The following PTPRN2 variants were observed in gnomAD, a reference collection of about 807,000 sequenced individuals.
PTPRN2 encodes protein tyrosine phosphatase receptor type N2, also known as receptor-type tyrosine-protein phosphatase N2.
In PTPRN2, 74 loss-of-function variants were observed where a neutral mutation model predicts 118.8. That is an observed-to-expected ratio of 0.62 (90% CI 0.52 to 0.76). PTPRN2 has a LOEUF of 0.76. Ranked by LOEUF, PTPRN2 falls within the 30% of genes least tolerant of loss-of-function variation. PTPRN2 has a pLI of 0.00. For missense variants in PTPRN2, 1,481 were observed against 1,394.4 expected, an observed-to-expected ratio of 1.06 and a Z score of -0.99; for synonymous variants, 641 against 608.0, an observed-to-expected ratio of 1.05 and a Z score of -0.80.
chr7:157,976,449 C>G (rs1802754161), intron 11 of PTPRN2, among the ~76,000 whole-genome samples: 1 of 152,040 alleles, frequency 6.6e-6, no homozygotes, highest in African/African-American at 2.4e-5. Flanking sequence ...GGGTTAAAAT[C>G]CAGATGCAAG....
At chr7:158,192,089 C>G (rs1214057065) in intron 5 of PTPRN2, among the ~76,000 whole-genome samples, 1 of 152,116 alleles carries the variant, frequency 6.6e-6, no homozygotes, top group Non-Finnish European at 1.5e-5. Flanking sequence ...CACCTTGTCC[C>G]AAGAAAGATC....
rs752269396 is a variant in PTPRN2, at chr7:158,489,723, C to G, written c.163+12G>C. ...GCAGACCAGGGCGCAGCAGCCAGGA[C>G]CCCACACTCACCGTTCACACAGGCC... On this transcript the variant is annotated intron_variant, in intron 2 of 22. Transcript: ENST00000389418. 6.3e-7 allele frequency: 1 copy of G among 1,574,962 alleles called. No homozygotes were observed. Among genetic ancestry groups the G allele is most frequent in the Admixed American group, 1.8e-5 (1 of 55,660 alleles).
At chr7:158,515,629 T>C (rs1296838037) in intron 1 of PTPRN2, among the ~76,000 whole-genome samples, 1 of 152,196 alleles carries the variant, frequency 6.6e-6, no homozygotes, top group Non-Finnish European at 1.5e-5. Context: ...CCTCATTCCA[T>C]GCTCGCCTTT....
intron 5 of PTPRN2, among the ~76,000 whole-genome samples, chr7:158,188,141 A>ACCACACTCGCCCCCTGATGGGGAAGGCCG (rs1563576082): frequency 8.0e-6 from 1 of 124,912 alleles, no homozygotes; most frequent in Non-Finnish European, 1.8e-5. Context: ...AGAGGCAGCC[A>ACCACACTCGCCCCCTGATGGGGAAGGCCG]CCACGCTCGC....
intron 8 of PTPRN2, 144 bp from the exon 9 acceptor site, chr7:158,134,203 TG>T: frequency 1.1e-6 from 1 of 911,644 alleles, no homozygotes; most frequent in South Asian, 1.7e-5. Flanking sequence ...GCGAAGTGTG[TG>T]CAGTCTATAT....
intron 14 of PTPRN2, among the ~76,000 whole-genome samples, chr7:157,631,764 G>A (rs1353589372): frequency 1.3e-5 from 2 of 151,840 alleles, no homozygotes; most frequent in African/African-American, 2.4e-5. Flanking sequence ...CCCGGGAGGC[G>A]GAGCTTGCAG....
rs1823693033 is a variant in PTPRN2 at position 158,517,982 on chromosome 7, C to A, written c.113-28197G>T. Among the ~76,000 whole-genome samples the A allele has an allele frequency of 1.3e-5, 2 of 152,252 alleles. No homozygotes were observed. The highest frequency in any genetic ancestry group is 2.9e-5 in the Non-Finnish European group (2 of 68,048). Reference sequence around the variant, plus strand: ...TCCAAGAGGGCTCCCTAATTCCTGACCGGGCGGGGCACCCCTGCAACATTC... The same window carrying A: ...TCCAAGAGGGCTCCCTAATTCCTGAACGGGCGGGGCACCCCTGCAACATTC... On this transcript the variant is annotated intron_variant, in intron 1 of 22. Transcript: ENST00000389418. The surrounding 1 kb of genome is among the most constrained non-coding windows in gnomAD (Gnocchi z 5.3).
chr7:157,939,419 C>T (rs1799913016), intron 11 of PTPRN2, among the ~76,000 whole-genome samples: 1 of 152,240 alleles, frequency 6.6e-6, no homozygotes, highest in Admixed American at 6.5e-5. Context: ...CTCTAGAGAC[C>T]AGGCCTCTGG....
intron 13 of PTPRN2, among the ~76,000 whole-genome samples, chr7:157,658,764 T>C (rs1456462102): frequency 2.6e-5 from 4 of 152,212 alleles, no homozygotes; most frequent in Non-Finnish European, 5.9e-5. Flanking sequence ...AGTGAAATGA[T>C]ACCCAGAAAA....
At chr7:158,337,312 A>T in intron 2 of PTPRN2, among the ~76,000 whole-genome samples, 1 of 145,994 alleles carries the variant, frequency 6.8e-6, no homozygotes, top group African/African-American at 2.5e-5. Context: ...ACGCACAGAC[A>T]TCATTCACAC....
At chr7:158,520,661 G>C (rs1008309003) in intron 1 of PTPRN2, among the ~76,000 whole-genome samples, 2 of 152,182 alleles carry the variant, frequency 1.3e-5, no homozygotes, top group African/African-American at 4.8e-5. Context: ...ATTTAAAGTA[G>C]CACTTACATG....
chr7:158,252,812 C>G (rs1231664993), intron 3 of PTPRN2, among the ~76,000 whole-genome samples: 2 of 152,182 alleles, frequency 1.3e-5, no homozygotes, highest in Admixed American at 6.6e-5. Flanking sequence ...CTCCCCAAAT[C>G]CAATCCTCCC....
At chr7:158,385,968 C>T (rs535423346) in intron 2 of PTPRN2, among the ~76,000 whole-genome samples, 1 of 147,196 alleles carries the variant, frequency 6.8e-6, no homozygotes, top group Admixed American at 6.7e-5. Flanking sequence ...TATTTCTGTG[C>T]CCCTCCTCCC....
chr7:157,993,248 C>T (rs984203400), intron 11 of PTPRN2, among the ~76,000 whole-genome samples: 18 of 152,082 alleles, frequency 1.2e-4, no homozygotes, highest in African/African-American at 3.1e-4. Flanking sequence ...TATATCGGTG[C>T]GTACCTGTCC....
chr7:157,755,614 T>A (rs900722830), intron 12 of PTPRN2, among the ~76,000 whole-genome samples: 2 of 152,140 alleles, frequency 1.3e-5, no homozygotes, highest in African/African-American at 4.8e-5. Context: ...CTAAGCAAGC[T>A]AATGCAGAAA....
rs1367997015 is a variant in PTPRN2, at chr7:158,509,802, T to C, written c.113-20017A>G. Among the ~76,000 whole-genome samples, 1 of 152,148 alleles carries C rather than the reference T, an allele frequency of 6.6e-6. No homozygotes were observed. Among genetic ancestry groups the C allele is most frequent in the African/African-American group, 2.4e-5 (1 of 41,432 alleles). On this transcript the variant is annotated intron_variant, in intron 1 of 22. Transcript: ENST00000389418. The surrounding 1 kb of genome is among the most constrained non-coding windows in gnomAD (Gnocchi z 4.4). ...GGAGGGCTGGCATGCACACAGAGGA[T>C]GGTGACTTGCAGTGCTCTGTTCCAT...
rs1305479297 is a variant in PTPRN2 at position 158,180,371 on chromosome 7, A to C, written c.549+11956T>G. Among the ~76,000 whole-genome samples, 3 of 152,182 alleles carry C rather than the reference A, an allele frequency of 2.0e-5. No homozygotes were observed. In the East Asian group the frequency reaches 5.8e-4, roughly 29 times the overall value. The stretch of plus-strand genomic sequence containing the variant: ...CTACCAGTACCATGCTGTTTTGGTA[A>C]CTCTAGCCTTGTAGTATAGTTTGGA... On this transcript the variant is annotated intron_variant, in intron 5 of 22. Coordinates refer to ENST00000389418, the MANE Select transcript of PTPRN2 (RefSeq NM_002847.5).
chr7:158,226,402 G>A (rs1828779377), intron 3 of PTPRN2, among the ~76,000 whole-genome samples: 1 of 152,188 alleles, frequency 6.6e-6, no homozygotes, highest in Non-Finnish European at 1.5e-5. Flanking sequence ...AAAGAAGGAA[G>A]GCTGGGAACA....
chr7:158,429,752 T>G (rs1530930), intron 2 of PTPRN2, among the ~76,000 whole-genome samples: 148,072 of 152,346 alleles, frequency 0.97, 71,998 homozygotes, highest in African/African-American at 0.99. Context: ...AATGCAATCT[T>G]AATACAGATG....
Sources: gnomAD v4.1 joint callset for allele counts (sites outside exome capture counted in the v4.1 genomes callset) on GRCh38, gnomAD v4.1.1 for gene constraint, Gnocchi (gnomAD v3.1) non-coding constraint, MANE v1.5 for transcripts, NCBI Gene and HGNC (gene_info 2026-07-23, HGNC 2026-07-21) for gene names.